SPMIP3: variants seen among roughly 807,000 people sequenced by gnomAD.
SPMIP3 encodes the protein protein SPMIP3.
At chr1:244,375,359 C>T in the SPMIP3 span, 1 of 1,605,070 alleles carries the variant, frequency 6.2e-7, no homozygotes, top group Non-Finnish European at 8.5e-7. Flanking sequence ...CACCTCCTCA[C>T]TTTCTGCTCT....
chr1:244,369,836 AG>A, the SPMIP3 span, among the ~76,000 whole-genome samples: 3,175 of 152,246 alleles, frequency 0.021, 112 homozygotes, highest in African/African-American at 0.071. Context: ...TTTATTATGT[AG>A]ATGGGTTCTC....
At chr1:244,363,779 C>G in the SPMIP3 span, among the ~76,000 whole-genome samples, 1 of 152,194 alleles carries the variant, frequency 6.6e-6, no homozygotes, top group Admixed American at 6.5e-5. Context: ...TGCCCCAAAG[C>G]TGGAGATGAG....
chr1:244,360,333 G>A, the SPMIP3 span, among the ~76,000 whole-genome samples: 20 of 152,146 alleles, frequency 1.3e-4, no homozygotes, highest in East Asian at 2.3e-3. Context: ...ACTAAAAATA[G>A]AACTACCATA....
the SPMIP3 span, among the ~76,000 whole-genome samples, chr1:244,368,100 C>T: frequency 4.6e-5 from 7 of 152,200 alleles, no homozygotes; most frequent in South Asian, 1.2e-3. Flanking sequence ...GCTGGGACTA[C>T]AGGCGCCCAC....
At chr1:244,388,603 A>T in the SPMIP3 span, among the ~76,000 whole-genome samples, 1 of 152,218 alleles carries the variant, frequency 6.6e-6, no homozygotes, top group Non-Finnish European at 1.5e-5. Flanking sequence ...AAAGAGAAAA[A>T]AATAATTTAG....
the SPMIP3 span, among the ~76,000 whole-genome samples, chr1:244,359,358 CT>C: frequency 6.6e-6 from 1 of 152,142 alleles, no homozygotes; most frequent in Non-Finnish European, 1.5e-5. Context: ...AACTACCCAT[CT>C]GACAAGGGAT....
At chr1:244,369,764 G>A in the SPMIP3 span, among the ~76,000 whole-genome samples, 1 of 152,166 alleles carries the variant, frequency 6.6e-6, no homozygotes, top group Admixed American at 6.5e-5. Context: ...GGGAAGAACT[G>A]GTTAGGACTA....
the SPMIP3 span, among the ~76,000 whole-genome samples, chr1:244,359,618 G>C: frequency 6.6e-6 from 1 of 152,090 alleles, no homozygotes; most frequent in African/African-American, 2.4e-5. Context: ...AACTACTCGG[G>C]AGGCTGAGGC....
chr1:244,371,992 G>A, the SPMIP3 span, among the ~76,000 whole-genome samples: 1 of 152,328 alleles, frequency 6.6e-6, no homozygotes, highest in Admixed American at 6.5e-5. Context: ...AGCTCCCAGA[G>A]GTCGTCTTTG....
the SPMIP3 span, among the ~76,000 whole-genome samples, chr1:244,371,539 G>A: frequency 2.0e-5 from 3 of 152,222 alleles, no homozygotes; most frequent in Non-Finnish European, 4.4e-5. Context: ...GCCAAGGGGC[G>A]GTGGCAGGGA....
chr1:244,382,052 G>A, the SPMIP3 span, among the ~76,000 whole-genome samples: 8 of 152,174 alleles, frequency 5.3e-5, no homozygotes, highest in Non-Finnish European at 1.2e-4. Flanking sequence ...GAATCACTGG[G>A]GTCCATGCTG....
chr1:244,370,623 C>T, the SPMIP3 span, among the ~76,000 whole-genome samples: 2 of 152,228 alleles, frequency 1.3e-5, no homozygotes, highest in African/African-American at 2.4e-5. Flanking sequence ...CCAGCTAACA[C>T]TGCTGTGTCT....
chr1:244,363,160 C>T, the SPMIP3 span, among the ~76,000 whole-genome samples: 1 of 152,140 alleles, frequency 6.6e-6, no homozygotes, highest in Non-Finnish European at 1.5e-5. Context: ...AATCCCAGCA[C>T]TTTGAGAGGC....
chr1:244,364,620 A>G, the SPMIP3 span: 1 of 1,295,902 alleles, frequency 7.7e-7, no homozygotes, highest in South Asian at 1.2e-5. Flanking sequence ...TTGTGGTACT[A>G]GATATCTCAC....
chr1:244,372,673 G>C, the SPMIP3 span, among the ~76,000 whole-genome samples: 2 of 152,090 alleles, frequency 1.3e-5, no homozygotes, highest in Non-Finnish European at 2.9e-5. Context: ...TCGAACTCCT[G>C]ACCTTGCGAT....
At chr1:244,353,361 G>A in the SPMIP3 span, among the ~76,000 whole-genome samples, 2 of 152,072 alleles carry the variant, frequency 1.3e-5, no homozygotes, top group South Asian at 2.1e-4. Flanking sequence ...CCCGGGCAAC[G>A]TAGCAAGGTC....
At chr1:244,379,089 G>A in the SPMIP3 span, among the ~76,000 whole-genome samples, 53 of 151,854 alleles carry the variant, frequency 3.5e-4, no homozygotes, top group African/African-American at 1.1e-3. Context: ...CACCACACCC[G>A]GCTAATTTTT....
chr1:244,364,794 G>A, the SPMIP3 span: 2 of 1,600,034 alleles, frequency 1.2e-6, no homozygotes, highest in Non-Finnish European at 1.7e-6. Context: ...CGGGACTGAA[G>A]CCAGGCAGCC....
chr1:244,383,848 G>T, the SPMIP3 span, among the ~76,000 whole-genome samples: 1 of 152,168 alleles, frequency 6.6e-6, no homozygotes, highest in African/African-American at 2.4e-5. Flanking sequence ...GACGTTACAG[G>T]TCATATTCAG....
Sources: allele counts gnomAD v4.1 joint callset (sites outside exome capture counted in the v4.1 genomes callset), GRCh38; gene constraint gnomAD v4.1.1; transcripts MANE v1.5; gene names NCBI Gene and HGNC (gene_info 2026-07-23, HGNC 2026-07-21).